C4orf50: variants seen among roughly 807,000 people sequenced by gnomAD.
C4orf50 encodes uncharacterized protein C4orf50.
C4orf50 carries 80 observed loss-of-function variants against 77.2 expected under a neutral mutation model. The ratio of observed to expected loss-of-function variants is 1.04; its 90% CI spans 0.87 to 1.25. The LOEUF (loss-of-function observed/expected upper bound fraction) is 1.25. C4orf50 is among the 50% of genes most tolerant of loss of function. The pLI, the probability that C4orf50 is intolerant of heterozygous loss-of-function variation, is 0.00. For synonymous variants in C4orf50, 532 were observed against 465.3 expected (o/e 1.14, Z -1.84); for missense variants, 1,257 against 1,152.9 (o/e 1.09, Z -1.31).
intron 7 of C4orf50, among the ~76,000 whole-genome samples, chr4:5,923,735 A>G (rs1360825972): frequency 6.6e-6 from 1 of 152,132 alleles, no homozygotes. Flanking sequence ...ACACATTGAG[A>G]GTTGTCATGG....
exon 28 of C4orf50, chr4:5,989,700 T>A: frequency 6.5e-7 from 1 of 1,536,122 alleles, no homozygotes; most frequent in South Asian, 1.2e-5. Context: ...GATCAGTGGG[T>A]TCGGCCCCTT....
At chr4:6,004,286 T>A (rs200778064) in intron 25 of C4orf50, among the ~76,000 whole-genome samples, 470 of 27,984 alleles carry the variant, frequency 0.017, 46 homozygotes, top group East Asian at 0.12. Context: ...GATGGTGATG[T>A]TGGTGATGAT....
intron 25 of C4orf50, among the ~76,000 whole-genome samples, chr4:5,995,025 G>A (rs1448192885): frequency 2.0e-5 from 3 of 152,146 alleles, no homozygotes; most frequent in Non-Finnish European, 1.5e-5. Flanking sequence ...GTTTCACCAT[G>A]AAACTATCCC....
intron 7 of C4orf50, among the ~76,000 whole-genome samples, chr4:5,937,473 G>C (rs1229134200): frequency 6.6e-6 from 1 of 152,092 alleles, no homozygotes; most frequent in Non-Finnish European, 1.5e-5. Flanking sequence ...CAAGAAAAGT[G>C]AAAAATCAGA....
intron 28 of C4orf50, among the ~76,000 whole-genome samples, chr4:5,983,574 A>C (rs1720713099): frequency 6.6e-6 from 1 of 152,216 alleles, no homozygotes; most frequent in Non-Finnish European, 1.5e-5. Flanking sequence ...ACAACTATAG[A>C]ATCTGGGGAG....
chr4:5,943,118 T>A (rs1346457353), intron 7 of C4orf50, among the ~76,000 whole-genome samples: 2 of 152,204 alleles, frequency 1.3e-5, no homozygotes, highest in East Asian at 3.8e-4. Flanking sequence ...TTGGAAAACT[T>A]CTAGCCTGAG....
intron 28 of C4orf50, among the ~76,000 whole-genome samples, chr4:5,984,850 T>TA (rs138298932): frequency 0.068 from 9,632 of 141,324 alleles, 375 homozygotes; most frequent in South Asian, 0.11. Context: ...TTCAAGAAGC[T>TA]AAAAAAAAAA....
chr4:5,994,802 C>T (rs1392513171), intron 25 of C4orf50, among the ~76,000 whole-genome samples: 3 of 152,210 alleles, frequency 2.0e-5, no homozygotes, highest in East Asian at 3.9e-4. Context: ...CAGACTGGTA[C>T]AGTCCGTGGC....
chr4:5,988,708 C>T (rs767172340), exon 28 of C4orf50: 36 of 1,536,006 alleles, frequency 2.3e-5, no homozygotes, highest in Non-Finnish European at 2.8e-5. Context: ...CCTCACCAAA[C>T]GCCCCTGATC....
At position 6,002,150 on chromosome 4, in the gene C4orf50, A is replaced by G. The variant is rs185867903; in HGVS notation, c.963+5846T>C. Among the ~76,000 whole-genome samples, 82 of 152,354 alleles carry G rather than the reference A, an allele frequency of 5.4e-4. 2 individuals are homozygous for G. The East Asian group carries it at 0.014, about 27-fold the overall frequency. On this transcript the variant is annotated intron_variant, in intron 25 of 33. Transcript: ENST00000531445. ...CTGGATTAGGCTGGGTCCTAATCCA[A>G]TAAAGATCTGGTGTCCAGATAAGAA...
At chr4:5,942,210 A>T (rs1420588513) in intron 7 of C4orf50, among the ~76,000 whole-genome samples, 1 of 152,188 alleles carries the variant, frequency 6.6e-6, no homozygotes, top group East Asian at 1.9e-4. Flanking sequence ...GGTAGCAGTA[A>T]CAATCAACGC....
chr4:5,910,006 T>G (rs1032401114), intron 7 of C4orf50, among the ~76,000 whole-genome samples: 4 of 152,246 alleles, frequency 2.6e-5, no homozygotes, highest in Non-Finnish European at 5.9e-5. Flanking sequence ...TGGTTCCATG[T>G]GAATTCTAGA....
chr4:5,990,176 A>G, exon 28 of C4orf50: 1 of 1,249,492 alleles, frequency 8.0e-7, no homozygotes, highest in Non-Finnish European at 1.0e-6. Flanking sequence ...AGAGGCATCA[A>G]AAACTCCTGC....
In C4orf50 at chr4:5,991,806, A is replaced by G. The variant is rs565053764; in HGVS notation, c.1222-982T>C. Among the ~76,000 whole-genome samples the G allele has an allele frequency of 2.6e-5, 4 of 152,286 alleles. No homozygotes were observed. In the East Asian group the frequency reaches 7.7e-4, roughly 29 times the overall value. On this transcript the variant is annotated intron_variant, in intron 27 of 33. Transcript: ENST00000531445. ...GACATACCAGCAGCAGAGCCCCCTC[A>G]GGCAGAGGGGGCTTGAAGGCCAGGA...
intron 7 of C4orf50, chr4:5,923,424 G>A (rs1342311571): frequency 1.9e-5 from 3 of 153,910 alleles, no homozygotes; most frequent in Middle Eastern, 6.0e-4. Flanking sequence ...AGGGGGATGC[G>A]GATTAGATAG....
At chr4:5,968,491 C>T (rs1327299423) in intron 31 of C4orf50, among the ~76,000 whole-genome samples, 1 of 152,184 alleles carries the variant, frequency 6.6e-6, no homozygotes, top group Non-Finnish European at 1.5e-5. Context: ...CTGAACGGTG[C>T]TCTTAGAGCA....
rs1383490167 is a variant in C4orf50 at position 6,017,222 on chromosome 4, G to A, written c.287+923C>T. On this transcript the variant is annotated intron_variant, in intron 23 of 33. Coordinates refer to ENST00000531445, the Ensembl canonical transcript of C4orf50. This position sits in a 1 kb window ranked among gnomAD's most constrained non-coding sequence, Gnocchi z 4.7. The stretch of plus-strand genomic sequence containing the variant: ...AGAGTCCAAAGGCCAGACAGAGACA[G>A]GCAGCCTGGATTAGCAACTGCCGGA... 6.6e-6 allele frequency among the ~76,000 whole-genome samples: 1 copy of A among 152,220 alleles called. No homozygotes were observed. The highest frequency in any genetic ancestry group is 2.4e-5 in the African/African-American group (1 of 41,450).
chr4:6,016,989 GT>G (rs1460644389), intron 23 of C4orf50, among the ~76,000 whole-genome samples: 2 of 152,172 alleles, frequency 1.3e-5, no homozygotes, highest in Non-Finnish European at 2.9e-5. Context: ...TCCATGCTGG[GT>G]TTCGCTGATC....
At chr4:5,969,647 G>A (rs911297925) in intron 31 of C4orf50, among the ~76,000 whole-genome samples, 6 of 152,096 alleles carry the variant, frequency 3.9e-5, no homozygotes, top group African/African-American at 1.4e-4. Flanking sequence ...TGTGACAGGT[G>A]CTGTGCCAGG....
Sources: gnomAD v4.1 joint callset for allele counts (sites outside exome capture counted in the v4.1 genomes callset) on GRCh38, gnomAD v4.1.1 for gene constraint, Gnocchi (gnomAD v3.1) non-coding constraint, MANE v1.5 for transcripts, NCBI Gene and HGNC (gene_info 2026-07-23, HGNC 2026-07-21) for gene names.